The following SCOC variants were observed in gnomAD, a reference collection of about 807,000 sequenced individuals.
SCOC encodes short coiled coil protein.
SCOC carries 7 observed loss-of-function variants against 9.9 expected under a neutral mutation model. The ratio of observed to expected loss-of-function variants is 0.71; its 90% confidence interval spans 0.40 to 1.33. The LOEUF (loss-of-function observed/expected upper bound fraction) is 1.33. Among genes scored for constraint, SCOC ranks in the 40% most tolerant of loss-of-function variants. SCOC has a pLI of 0.01. For synonymous variants in SCOC, 19 were observed against 28.2 expected, an observed-to-expected ratio of 0.67 and a Z score of 1.03; for missense variants, 66 against 89.7, an observed-to-expected ratio of 0.74 and a Z score of 1.07.
chr4:140,384,852 T>C lies in SCOC; in HGVS notation c.*3748T>C, dbSNP rs1034017276. On this transcript the variant is annotated 3_prime_UTR_variant, in exon 4 of 4. Transcript: ENST00000608372. ...ACCCCAATGTGATGCTTTTAGGAGG[T>C]GGGGCTTTTGGGAGATAATTAGGTA... 2 of 151,966 alleles carry C rather than the reference T, an allele frequency of 1.3e-5. No homozygotes were observed. Among genetic ancestry groups the C allele is most frequent in the African/African-American group, 4.8e-5 (2 of 41,360 alleles). 9.4% of individuals were successfully genotyped at this position (151,966 alleles called of 1,614,324 possible).
At chr4:140,321,023 A>G (rs964634773) in intron 1 of SCOC, among the ~76,000 whole-genome samples, 8 of 152,202 alleles carry the variant, frequency 5.3e-5, no homozygotes, top group Non-Finnish European at 7.3e-5. Context: ...AACTACTTAC[A>G]GACTCTCTCC....
At chr4:140,278,590 T>C (rs1731035613) in intron 1 of SCOC, among the ~76,000 whole-genome samples, 1 of 152,202 alleles carries the variant, frequency 6.6e-6, no homozygotes, top group South Asian at 2.1e-4. Context: ...AAGCCTTTTT[T>C]ATAAGGGCAT....
chr4:140,327,954 G>A (rs551286166), intron 1 of SCOC, among the ~76,000 whole-genome samples: 1 of 152,082 alleles, frequency 6.6e-6, no homozygotes, highest in East Asian at 1.9e-4. Context: ...AGATCTCCCT[G>A]CCAGCAGGTG....
rs72937784 is a variant in SCOC at position 140,290,312 on chromosome 4, A to G, written c.-19+32902A>G. Among the ~76,000 whole-genome samples the G allele has an allele frequency of 3.9e-3, 587 of 152,236 alleles. 1 individual carries two copies. Among genetic ancestry groups the G allele is most frequent in the African/African-American group, 0.013 (543 of 41,528 alleles). On this transcript the variant is annotated intron_variant, in intron 1 of 4. Transcript: ENST00000394205. ...CAGACCCTTCACAGATCATAAACCA[A>G]CCTTGGGCTTTCTCCTCTTTCTTTC... is the stretch of plus-strand genomic sequence containing the variant.
In SCOC at chr4:140,379,117, G is replaced by A; in HGVS notation, c.-50-4G>A. ...TCTATATTTCTGAATTTTTCTTATT[G>A]TAGACCATTCCTCAAGAATTTTGTA... On this transcript the variant is annotated splice_region_variant and splice_polypyrimidine_tract_variant and intron_variant, in intron 1 of 3. Transcript: ENST00000608372. 1.3e-6 allele frequency: 2 copies of A among 1,575,712 alleles called. No homozygotes were observed. Among genetic ancestry groups the A allele is most frequent in the Non-Finnish European group, 1.7e-6 (2 of 1,145,314 alleles).
At chr4:140,338,773 C>A (rs1726379303), upstream of SCOC, among the ~76,000 whole-genome samples, 1 of 152,148 alleles carries the variant, frequency 6.6e-6, no homozygotes, top group Non-Finnish European at 1.5e-5. Flanking sequence ...AGGAGAACTA[C>A]AAACCACTGC....
intron 1 of SCOC, among the ~76,000 whole-genome samples, chr4:140,285,939 C>G (rs951092930): frequency 6.6e-6 from 1 of 152,138 alleles, no homozygotes. Context: ...AATCCTAGCA[C>G]TTTGGGTGGC....
intron 1 of SCOC, among the ~76,000 whole-genome samples, chr4:140,280,827 A>G (rs965128932): frequency 1.3e-5 from 2 of 152,168 alleles, no homozygotes; most frequent in Non-Finnish European, 2.9e-5. Context: ...TTTTCAAAGT[A>G]ATTTGCGACC....
intron 1 of SCOC, among the ~76,000 whole-genome samples, chr4:140,262,668 T>G (rs931774869): frequency 1.3e-5 from 2 of 152,064 alleles, no homozygotes; most frequent in Non-Finnish European, 2.9e-5. Flanking sequence ...AAGAACTACC[T>G]GAGACTGGCT....
At chr4:140,302,559 T>C (rs558314271) in intron 1 of SCOC, among the ~76,000 whole-genome samples, 1 of 152,350 alleles carries the variant, frequency 6.6e-6, no homozygotes, top group Admixed American at 6.5e-5. Flanking sequence ...CATTCATACA[T>C]GAAACTTTAG....
intron 1 of SCOC, among the ~76,000 whole-genome samples, chr4:140,336,978 C>T (rs956602060): frequency 1.3e-5 from 2 of 152,126 alleles, no homozygotes; most frequent in African/African-American, 4.8e-5. Flanking sequence ...ATTTGCATTT[C>T]CTTCATTACC....
chr4:140,294,324 T>C (rs1234909806), intron 1 of SCOC, among the ~76,000 whole-genome samples: 1 of 152,210 alleles, frequency 6.6e-6, no homozygotes, highest in East Asian at 1.9e-4. Flanking sequence ...ATAATAATTC[T>C]CAGCTTACTT....
At chr4:140,373,781 C>A in intron 1 of SCOC, 64 bp downstream of exon 1, 1 of 1,465,586 alleles carries the variant, frequency 6.8e-7, no homozygotes, top group South Asian at 1.2e-5. Flanking sequence ...TCCTCAGTAC[C>A]TCCGAGGGCC....
upstream of SCOC, among the ~76,000 whole-genome samples, chr4:140,369,726 A>G (rs1430298792): frequency 2.0e-5 from 3 of 152,116 alleles, no homozygotes; most frequent in Admixed American, 1.3e-4. Context: ...TTGTGCCTTT[A>G]TTTAGATGAA....
chr4:140,338,680 G>C (rs1019651714), upstream of SCOC, among the ~76,000 whole-genome samples: 1 of 152,158 alleles, frequency 6.6e-6, no homozygotes, highest in African/African-American at 2.4e-5. Flanking sequence ...GCCAAATCAT[G>C]AGTGAACTCC....
At chr4:140,287,401 GTACACACAC>G (rs977104132) in intron 1 of SCOC, among the ~76,000 whole-genome samples, 3 of 146,706 alleles carry the variant, frequency 2.0e-5, no homozygotes, top group South Asian at 2.2e-4. Flanking sequence ...CCACACATAT[GTACACACAC>G]TACACACACT....
chr4:140,277,694 A>G (rs575242491), intron 1 of SCOC, among the ~76,000 whole-genome samples: 2 of 152,378 alleles, frequency 1.3e-5, no homozygotes, highest in South Asian at 2.1e-4. Context: ...AAAAACAAAC[A>G]AAGTCTGAAA....
intron 1 of SCOC, chr4:140,283,859 G>T (rs1731157600): frequency 6.6e-6 from 1 of 152,152 alleles, no homozygotes; most frequent in African/African-American, 2.4e-5. Flanking sequence ...TAACAAGGAG[G>T]TCACTCTATT....
At chr4:140,376,640 G>A (rs1728358395) in intron 1 of SCOC, 1 of 152,116 alleles carries the variant, frequency 6.6e-6, no homozygotes, top group Admixed American at 6.6e-5. Flanking sequence ...TCTCCACCCT[G>A]TTTTTCTGCT....
Sources: allele counts gnomAD v4.1 joint callset (sites outside exome capture counted in the v4.1 genomes callset), GRCh38; gene constraint gnomAD v4.1.1; transcripts MANE v1.5; gene names NCBI Gene and HGNC (gene_info 2026-07-23, HGNC 2026-07-21).